The following NRG3 variants were observed in gnomAD, a reference collection of about 807,000 sequenced individuals.
NRG3 encodes the protein pro-neuregulin-3, membrane-bound isoform.
A neutral mutation model predicts 66.9 loss-of-function variants in NRG3; 31 were observed. The observed-to-expected ratio is 0.46, with a 90% CI of 0.35 to 0.63. The LOEUF (loss-of-function observed/expected upper bound fraction) is 0.63, where lower values mean the gene tolerates loss of function less well. Among genes scored for constraint, NRG3 ranks in the 20% least tolerant of loss-of-function variants. The pLI, the probability that NRG3 is intolerant of heterozygous loss-of-function variation, is 0.00. For missense variants in NRG3, 910 were observed against 878.9 expected, an observed-to-expected ratio of 1.04 and a Z score of -0.45; for synonymous variants, 393 against 359.4, an observed-to-expected ratio of 1.09 and a Z score of -1.06.
chr10:82,696,335 T>C (rs2055379622), intron 2 of NRG3, among the ~76,000 whole-genome samples: 1 of 152,108 alleles, frequency 6.6e-6, no homozygotes, highest in Admixed American at 6.6e-5. Flanking sequence ...ATGATGTATG[T>C]GTATATACTT....
At chr10:82,008,695 G>A (rs1564733342) in intron 1 of NRG3, among the ~76,000 whole-genome samples, 1 of 151,978 alleles carries the variant, frequency 6.6e-6, no homozygotes, top group Admixed American at 6.6e-5. Flanking sequence ...TCTTTATTTT[G>A]ATCTCTATTT....
chr10:82,501,675 C>G (rs1827029819), intron 2 of NRG3, among the ~76,000 whole-genome samples: 1 of 152,118 alleles, frequency 6.6e-6, no homozygotes, highest in Non-Finnish European at 1.5e-5. Context: ...CCATGTCTTT[C>G]TCTCTTTCCT....
intron 1 of NRG3, among the ~76,000 whole-genome samples, chr10:82,251,625 T>C (rs1267826105): frequency 6.6e-6 from 1 of 152,154 alleles, no homozygotes; most frequent in Non-Finnish European, 1.5e-5. Context: ...ACCCAGCAGA[T>C]AACACTTTGA....
chr10:82,261,430 C>G (rs1490261254), intron 1 of NRG3, among the ~76,000 whole-genome samples: 1 of 152,060 alleles, frequency 6.6e-6, no homozygotes, highest in African/African-American at 2.4e-5. Flanking sequence ...TTGGGTATTT[C>G]TTTATAGCAG....
rs1314095886 is a variant in NRG3, at chr10:82,986,217, T to G, written c.*612T>G. ...GTGCCACCTTCCTCTGAGATTTGAA[T>G]GCACAGATCTCAGCTGGAGGTATGA... On this transcript the variant is annotated 3_prime_UTR_variant, in exon 9 of 9. Transcript: ENST00000372141. 6.6e-6 allele frequency: 1 copy of G among 152,276 alleles called. No homozygotes were observed. The highest frequency in any genetic ancestry group is 2.4e-5 in the African/African-American group (1 of 41,454). The allele number at this position is 152,276 out of a possible 1,614,324, so 9.4% of individuals were successfully genotyped here. A position where few individuals can be genotyped will look rare whatever the true frequency, so the allele number is the denominator to read the frequency against.
intron 2 of NRG3, among the ~76,000 whole-genome samples, chr10:82,727,232 C>T (rs575238760): frequency 2.0e-5 from 3 of 152,144 alleles, no homozygotes; most frequent in Non-Finnish European, 2.9e-5. Flanking sequence ...AACAAGGAGC[C>T]GAATGTTAAT....
intron 3 of NRG3, among the ~76,000 whole-genome samples, chr10:82,863,558 G>A (rs1461222236): frequency 1.3e-5 from 2 of 152,136 alleles, no homozygotes; most frequent in African/African-American, 4.8e-5. Flanking sequence ...ATCCTAACTG[G>A]CGTGAGATGG....
At position 82,567,472 on chromosome 10, in the gene NRG3, A is replaced by G. The variant is rs2045481132; in HGVS notation, c.954-171105A>G. On this transcript the variant is annotated intron_variant, in intron 2 of 8. Transcript: ENST00000372141. Reference sequence around the variant, plus strand: ...TGCCTGGGTATAAAGAATGTATTATATCTGGTAAACATCCATCCCTAGATA... The same window carrying G: ...TGCCTGGGTATAAAGAATGTATTATGTCTGGTAAACATCCATCCCTAGATA... Among the ~76,000 whole-genome samples, 3 of 152,112 alleles carry G rather than the reference A, an allele frequency of 2.0e-5. No individual in the cohort carries two copies. In the South Asian group the frequency reaches 6.2e-4, roughly 31 times the overall value.
chr10:82,223,598 G>A (rs978980955), intron 1 of NRG3, among the ~76,000 whole-genome samples: 11 of 150,786 alleles, frequency 7.3e-5, no homozygotes, highest in African/African-American at 2.7e-4. Context: ...TGCTGCCTTT[G>A]TGCACTCAGA....
intron 1 of NRG3, among the ~76,000 whole-genome samples, chr10:82,345,663 C>T (rs1338182586): frequency 1.3e-5 from 2 of 151,628 alleles, no homozygotes; most frequent in East Asian, 3.9e-4. Flanking sequence ...GCAGTATGGC[C>T]ATTTTCACGA....
At chr10:81,938,243 T>TA (rs540047963) in intron 1 of NRG3, among the ~76,000 whole-genome samples, 8 of 150,598 alleles carry the variant, frequency 5.3e-5, no homozygotes, top group South Asian at 2.1e-4. Flanking sequence ...ATTTTGAAAT[T>TA]AAAAAAAAAA....
intron 4 of NRG3, among the ~76,000 whole-genome samples, chr10:82,898,297 G>A (rs1448908961): frequency 6.6e-6 from 1 of 152,138 alleles, no homozygotes; most frequent in Non-Finnish European, 1.5e-5. Flanking sequence ...TGTTCCTTGG[G>A]ATCAATTCCT....
intron 1 of NRG3, among the ~76,000 whole-genome samples, chr10:81,981,715 C>A (rs866311631): frequency 1.3e-5 from 2 of 151,762 alleles, no homozygotes; most frequent in African/African-American, 4.8e-5. Context: ...CTTCTGGGGT[C>A]ATTCTTTCAT....
intron 1 of NRG3, among the ~76,000 whole-genome samples, chr10:82,016,503 G>C (rs1324315808): frequency 6.6e-6 from 1 of 151,898 alleles, no homozygotes; most frequent in Admixed American, 6.6e-5. Flanking sequence ...GCTCAATGAG[G>C]AAGGGCATCA....
intron 2 of NRG3, among the ~76,000 whole-genome samples, chr10:82,665,606 C>T (rs1442505161): frequency 6.6e-6 from 1 of 152,054 alleles, no homozygotes; most frequent in Non-Finnish European, 1.5e-5. Flanking sequence ...ATCTTTAGTC[C>T]TTTGATCCCT....
chr10:82,502,067 G>C (rs146126596), intron 2 of NRG3, among the ~76,000 whole-genome samples: 1 of 152,176 alleles, frequency 6.6e-6, no homozygotes, highest in Non-Finnish European at 1.5e-5. Flanking sequence ...AGCAGAGAGA[G>C]GGTTCATTTG....
intron 2 of NRG3, among the ~76,000 whole-genome samples, chr10:82,652,064 A>G (rs2051459143): frequency 6.6e-6 from 1 of 152,122 alleles, no homozygotes; most frequent in Non-Finnish European, 1.5e-5. Context: ...GCAGGGGTGA[A>G]CTTCATTCAC....
At chr10:81,983,235 G>T (rs1438795100) in intron 1 of NRG3, among the ~76,000 whole-genome samples, 1 of 152,100 alleles carries the variant, frequency 6.6e-6, no homozygotes, top group Non-Finnish European at 1.5e-5. Flanking sequence ...CCACACATTT[G>T]GCTAGGAATA....
intron 1 of NRG3, among the ~76,000 whole-genome samples, chr10:82,078,427 T>C (rs1486206760): frequency 2.6e-5 from 4 of 152,238 alleles, no homozygotes; most frequent in African/African-American, 9.6e-5. Flanking sequence ...CTCGGCTCAC[T>C]GCAAGCTCCG....
Sources: allele counts gnomAD v4.1 joint callset (sites outside exome capture counted in the v4.1 genomes callset), GRCh38; gene constraint gnomAD v4.1.1; transcripts MANE v1.5; gene names NCBI Gene and HGNC (gene_info 2026-07-23, HGNC 2026-07-21).